The following KCNB2 variants were observed in gnomAD, a reference collection of about 807,000 sequenced individuals.
KCNB2 encodes delayed rectifier potassium channel protein.
A neutral mutation model predicts 61.5 loss-of-function variants in KCNB2; 15 were observed. The observed-to-expected ratio is 0.24, with a 90% CI of 0.16 to 0.38. The LOEUF is 0.38. Among genes scored for constraint, KCNB2 ranks in the 10% least tolerant of loss-of-function variants. The pLI is 1.00. For synonymous variants in KCNB2, 457 were observed against 446.0 expected (o/e 1.02, Z -0.31); for missense variants, 828 against 1,125.2 (o/e 0.74, Z 3.78).
At chr8:72,684,585 A>G (rs906988436) in intron 2 of KCNB2, among the ~76,000 whole-genome samples, 1 of 152,196 alleles carries the variant, frequency 6.6e-6, no homozygotes, top group Non-Finnish European at 1.5e-5. Flanking sequence ...TCAAATGATA[A>G]GAAGGTTTGA....
At chr8:72,907,518 G>A (rs1272820489) in intron 2 of KCNB2, among the ~76,000 whole-genome samples, 1 of 152,142 alleles carries the variant, frequency 6.6e-6, no homozygotes, top group Non-Finnish European at 1.5e-5. Flanking sequence ...CAAGGCTCAT[G>A]GTATGCTCAG....
rs1189336093 is a variant in KCNB2, at chr8:72,561,727, A to ATGTGTG, written c.-93-5914_-93-5913insGTGTGT. The stretch of plus-strand genomic sequence containing the variant: ...TATATATATATATATATATATATAT[A>ATGTGTG]TCTATATCTATATATATATGTATAT... On this transcript the variant is annotated intron_variant, in intron 1 of 2. Coordinates refer to ENST00000523207, the MANE Select transcript of KCNB2 (RefSeq NM_004770.3). Among the ~76,000 whole-genome samples the ATGTGTG allele has an allele frequency of 7.1e-4, 25 of 35,276 alleles. 2 individuals carry two copies. Among genetic ancestry groups the ATGTGTG allele is most frequent in the Non-Finnish European group, 2.5e-4 (4 of 15,834 alleles). The allele number at this position is 35,276 out of a possible 152,430, so 23.1% of individuals were successfully genotyped here.
At chr8:72,626,630 C>T (rs1805794203) in intron 2 of KCNB2, among the ~76,000 whole-genome samples, 1 of 151,980 alleles carries the variant, frequency 6.6e-6, no homozygotes, top group African/African-American at 2.4e-5. Flanking sequence ...GATTATTGTC[C>T]CCATTGAATA....
intron 2 of KCNB2, among the ~76,000 whole-genome samples, chr8:72,640,314 A>G (rs941416095): frequency 1.3e-5 from 2 of 152,136 alleles, no homozygotes; most frequent in African/African-American, 4.8e-5. Flanking sequence ...TGCTTGTAAA[A>G]TGAATCAAGG....
intron 2 of KCNB2, among the ~76,000 whole-genome samples, chr8:72,669,201 C>T (rs185357828): frequency 6.6e-6 from 1 of 152,280 alleles, no homozygotes; most frequent in Non-Finnish European, 1.5e-5. Context: ...TCCAGAATTA[C>T]TGGCATAGCT....
chr8:72,660,327 G>T (rs893865452), intron 2 of KCNB2, among the ~76,000 whole-genome samples: 2 of 152,182 alleles, frequency 1.3e-5, no homozygotes, highest in Non-Finnish European at 2.9e-5. Context: ...TGCAGAGGAT[G>T]AAGGTGGTCC....
At chr8:72,646,423 G>A (rs1806129708) in intron 2 of KCNB2, among the ~76,000 whole-genome samples, 1 of 152,124 alleles carries the variant, frequency 6.6e-6, no homozygotes, top group South Asian at 2.1e-4. Context: ...AGAACTGAAG[G>A]ATTGGCTCAT....
At chr8:72,746,477 CAAAG>C (rs1808070096) in intron 2 of KCNB2, among the ~76,000 whole-genome samples, 3 of 152,084 alleles carry the variant, frequency 2.0e-5, no homozygotes, top group South Asian at 4.1e-4. Flanking sequence ...CACCAACAAA[CAAAG>C]AAATATAAAA....
chr8:72,772,058 A>G (rs1808570761), intron 2 of KCNB2, among the ~76,000 whole-genome samples: 1 of 152,158 alleles, frequency 6.6e-6, no homozygotes, highest in Non-Finnish European at 1.5e-5. Flanking sequence ...CCAAAACACC[A>G]GTTAGGAAGC....
intron 2 of KCNB2, among the ~76,000 whole-genome samples, chr8:72,730,222 G>C (rs147317006): frequency 1.3e-5 from 2 of 152,120 alleles, no homozygotes; most frequent in Non-Finnish European, 2.9e-5. Context: ...GCCAACTAGA[G>C]CCAAAAGTAC....
intron 2 of KCNB2, among the ~76,000 whole-genome samples, chr8:72,677,014 T>C (rs867634701): frequency 6.6e-5 from 10 of 152,212 alleles, no homozygotes; most frequent in African/African-American, 2.4e-4. Flanking sequence ...GCAGATGTAA[T>C]TATTTAAGGT....
intron 2 of KCNB2, among the ~76,000 whole-genome samples, chr8:72,788,506 T>C (rs1012508623): frequency 1.3e-5 from 2 of 152,096 alleles, no homozygotes; most frequent in African/African-American, 4.8e-5. Flanking sequence ...TTTTCCAGTA[T>C]AGTCACATTA....
At chr8:72,846,853 T>C (rs562745292) in intron 2 of KCNB2, among the ~76,000 whole-genome samples, 3 of 152,278 alleles carry the variant, frequency 2.0e-5, no homozygotes, top group South Asian at 2.1e-4. Flanking sequence ...AGTGTGGCAA[T>C]TCCTCAAGGA....
intron 2 of KCNB2, among the ~76,000 whole-genome samples, chr8:72,632,514 T>G (rs1445417621): frequency 6.6e-6 from 1 of 152,136 alleles, no homozygotes; most frequent in Non-Finnish European, 1.5e-5. Flanking sequence ...CTAATTTTGT[T>G]AACTATACCT....
intron 2 of KCNB2, among the ~76,000 whole-genome samples, chr8:72,688,440 T>A (rs376969921): frequency 4.5e-4 from 69 of 152,032 alleles, no homozygotes; most frequent in African/African-American, 1.5e-3. Flanking sequence ...CTGCTTAACC[T>A]CCTTGGGTTG....
rs112773397 is a variant in KCNB2 at position 72,817,498 on chromosome 8, G to A, written c.580-118437G>A. Among the ~76,000 whole-genome samples the A allele has an allele frequency of 8.5e-3, 1,296 of 152,204 alleles. 19 individuals carry two copies. The highest frequency in any genetic ancestry group is 8.5e-3 in the South Asian group (41 of 4,822). ...TTGACTCAATATTATCTCGGATTTT[G>A]GTGTGAAGAGTTTTTGCTCTTATGA... On this transcript the variant is annotated intron_variant, in intron 2 of 2. Transcript: ENST00000523207.
intron 2 of KCNB2, among the ~76,000 whole-genome samples, chr8:72,934,333 G>C (rs1003279166): frequency 2.1e-5 from 3 of 141,702 alleles, no homozygotes; most frequent in Admixed American, 7.6e-5. Flanking sequence ...AGTGAGCTGA[G>C]ATTGCACCAC....
At chr8:72,587,478 C>T (rs558594554) in intron 2 of KCNB2, among the ~76,000 whole-genome samples, 1 of 152,300 alleles carries the variant, frequency 6.6e-6, no homozygotes, top group South Asian at 2.1e-4. Context: ...AATCCCAGCA[C>T]TTTGGGAGGC....
chr8:72,764,788 A>G (rs1342872529), intron 2 of KCNB2, among the ~76,000 whole-genome samples: 1 of 152,172 alleles, frequency 6.6e-6, no homozygotes, highest in South Asian at 2.1e-4. Flanking sequence ...ATTTATCAAG[A>G]GAAAATGAGC....
Sources: gnomAD v4.1 joint callset for allele counts (sites outside exome capture counted in the v4.1 genomes callset) on GRCh38, gnomAD v4.1.1 for gene constraint, MANE v1.5 for transcripts, NCBI Gene and HGNC (gene_info 2026-07-23, HGNC 2026-07-21) for gene names.